Variants in FAM193A observed in about 807,000 individuals in gnomAD.
The protein encoded by FAM193A is protein FAM193A.
FAM193A carries 22 observed loss-of-function variants against 126.5 expected under a neutral mutation model. The observed-to-expected ratio is 0.17, with a 90% confidence interval of 0.12 to 0.25. FAM193A has a LOEUF of 0.25. FAM193A is among the 10% of genes least tolerant of loss of function. The pLI is 1.00. For synonymous variants in FAM193A, 761 were observed against 646.8 expected (o/e 1.18, Z -2.68); for missense variants, 1,675 against 1,672.8 (o/e 1.00, Z -0.02).
intron 20 of FAM193A, among the ~76,000 whole-genome samples, chr4:2,716,671 C>A (rs1206459624): frequency 6.6e-6 from 1 of 152,144 alleles, no homozygotes; most frequent in Admixed American, 6.6e-5. Flanking sequence ...TTAATGGCAA[C>A]AAAATTTTAT....
At chr4:2,559,741 T>A (rs928973764) in intron 1 of FAM193A, among the ~76,000 whole-genome samples, 1 of 152,160 alleles carries the variant, frequency 6.6e-6, no homozygotes, top group African/African-American at 2.4e-5. Flanking sequence ...TGAGCTTTCT[T>A]TGACGGCCCC....
intron 18 of FAM193A, among the ~76,000 whole-genome samples, chr4:2,698,905 C>T (rs1717344026): frequency 6.6e-6 from 1 of 152,154 alleles, no homozygotes; most frequent in African/African-American, 2.4e-5. Flanking sequence ...TGTTTATCTG[C>T]TAGGGTGGGA....
At chr4:2,595,536 G>A (rs748884214) in intron 1 of FAM193A, among the ~76,000 whole-genome samples, 2 of 152,282 alleles carry the variant, frequency 1.3e-5, no homozygotes, top group East Asian at 3.9e-4. Context: ...TTTACATCAG[G>A]TGATAAGAGA....
chr4:2,668,083 T>G (rs1239668727), intron 12 of FAM193A, among the ~76,000 whole-genome samples: 2 of 152,126 alleles, frequency 1.3e-5, no homozygotes, highest in Admixed American at 6.5e-5. Flanking sequence ...TTTTTTAATT[T>G]TAGTAGAGAC....
At chr4:2,603,194 C>T (rs752352628) in intron 2 of FAM193A, among the ~76,000 whole-genome samples, 1 of 149,610 alleles carries the variant, frequency 6.7e-6, no homozygotes, top group Non-Finnish European at 1.5e-5. Context: ...GGGGTTTCAC[C>T]GTGTTAGCCA....
intron 19 of FAM193A, among the ~76,000 whole-genome samples, chr4:2,709,506 C>G (rs551722006): frequency 6.6e-6 from 1 of 152,022 alleles, no homozygotes; most frequent in African/African-American, 2.4e-5. Flanking sequence ...GTCAGGCGTT[C>G]GAGACAAGCC....
chr4:2,633,026 GT>G (rs952405119), intron 5 of FAM193A, among the ~76,000 whole-genome samples: 1 of 152,200 alleles, frequency 6.6e-6, no homozygotes, highest in African/African-American at 2.4e-5. Flanking sequence ...GTAGGATACT[GT>G]TTTATGAAGC....
chr4:2,708,524 G>A (rs1560598329), intron 19 of FAM193A, among the ~76,000 whole-genome samples: 1 of 151,572 alleles, frequency 6.6e-6, no homozygotes, highest in South Asian at 2.1e-4. Context: ...GTGCAGTGGC[G>A]CGATCTTGGA....
chr4:2,679,899 A>T (rs373036858), intron 13 of FAM193A, among the ~76,000 whole-genome samples: 2 of 150,522 alleles, frequency 1.3e-5, no homozygotes, highest in Admixed American at 6.6e-5. Flanking sequence ...TTGCTCTGTC[A>T]CCCAGGCTGG....
rs765383483 is a variant in FAM193A, at chr4:2,689,550, G to A, written c.2376G>A (p.Gln792=). The change falls in exon 14 of 21, where the codon CAG becomes CAA. Residue 792 remains glutamine, a synonymous_variant. Transcript: ENST00000637812. The part of the protein sequence containing the change: ...APVQNHTNKH[Q]VFNASLQDHI... ...TTCAGAATCACACAAATAAGCATCA[G>A]GTATTCAATGCATCTCTTCAAGACC... The A allele has an allele frequency of 6.5e-7, 1 of 1,546,550 alleles. No individual in the cohort carries two copies. Among genetic ancestry groups the A allele is most frequent in the Admixed American group, 2.4e-5 (1 of 41,374 alleles).
intron 7 of FAM193A, among the ~76,000 whole-genome samples, chr4:2,656,146 C>A (rs1316916434): frequency 6.6e-6 from 1 of 152,054 alleles, no homozygotes; most frequent in Non-Finnish European, 1.5e-5. Flanking sequence ...TGAGGTCTTA[C>A]TTGTTTTGTA....
intron 19 of FAM193A, among the ~76,000 whole-genome samples, chr4:2,707,151 T>G (rs1577245324): frequency 6.6e-6 from 1 of 152,080 alleles, no homozygotes; most frequent in Non-Finnish European, 1.5e-5. Context: ...TGTTGGTATC[T>G]TTGTCAGGAT....
intron 5 of FAM193A, among the ~76,000 whole-genome samples, chr4:2,632,928 G>A (rs886226962): frequency 1.3e-5 from 2 of 152,198 alleles, no homozygotes; most frequent in Non-Finnish European, 2.9e-5. Flanking sequence ...TAAACCTGGT[G>A]CCCAGAGAGA....
intron 18 of FAM193A, among the ~76,000 whole-genome samples, chr4:2,697,397 C>G (rs1174372253): frequency 1.3e-5 from 2 of 152,102 alleles, no homozygotes; most frequent in East Asian, 3.9e-4. Flanking sequence ...TGTCTAAATG[C>G]CCCTATGCTG....
chr4:2,601,967 T>C lies in FAM193A; in HGVS notation c.501+5638T>C, dbSNP rs1306191068. Among the ~76,000 whole-genome samples the C allele has an allele frequency of 9.9e-5, 15 of 151,956 alleles. 1 individual carries two copies. The highest frequency in any genetic ancestry group is 9.8e-4 in the Admixed American group (15 of 15,250). On this transcript the variant is annotated intron_variant, in intron 2 of 20. Coordinates refer to ENST00000637812, the MANE Select transcript of FAM193A (RefSeq NM_001366318.2). ...GATTCTCCTGCCTCAGTCTCCTGGG[T>C]AGCTGGGACTACAGGCATGTACCAC...
In FAM193A at chr4:2,582,481, T is replaced by C. The variant is rs114596226; in HGVS notation, c.256-13603T>C. On this transcript the variant is annotated intron_variant, in intron 1 of 20. Transcript: ENST00000637812. ...CCTTCTCCTTCCCTCCTCTCTCTCT[T>C]TCTTTCTTATTTTCATAGTCTTAGT... Among the ~76,000 whole-genome samples the C allele has an allele frequency of 8.7e-3, 1,329 of 152,102 alleles. 16 individuals are homozygous for C. The highest frequency in any genetic ancestry group is 0.031 in the African/African-American group (1,268 of 41,554).
At chr4:2,610,056 A>G (rs889098788) in intron 2 of FAM193A, among the ~76,000 whole-genome samples, 1 of 150,866 alleles carries the variant, frequency 6.6e-6, no homozygotes, top group African/African-American at 2.4e-5. Context: ...ACATGATGAA[A>G]CCCCATCTCT....
chr4:2,705,701 C>T (rs1473453024), intron 19 of FAM193A, among the ~76,000 whole-genome samples: 1 of 151,732 alleles, frequency 6.6e-6, no homozygotes, highest in Non-Finnish European at 1.5e-5. Context: ...GTGATTCTCC[C>T]GCCTCAGCCT....
At chr4:2,537,679 C>G (rs961994605) in intron 1 of FAM193A, among the ~76,000 whole-genome samples, 1 of 152,230 alleles carries the variant, frequency 6.6e-6, no homozygotes, top group Non-Finnish European at 1.5e-5. Context: ...TGGCCACCTT[C>G]GTTATTCCGT....
Sources: allele counts gnomAD v4.1 joint callset (sites outside exome capture counted in the v4.1 genomes callset), GRCh38; gene constraint gnomAD v4.1.1; transcripts MANE v1.5; gene names NCBI Gene and HGNC (gene_info 2026-07-23, HGNC 2026-07-21).